Variants in GRK4 observed in about 807,000 individuals in gnomAD.
The protein encoded by GRK4 is G protein-coupled receptor kinase 2-like.
GRK4 carries 73 observed loss-of-function variants against 77.9 expected under a neutral mutation model. The observed-to-expected ratio is 0.94, with a 90% CI of 0.78 to 1.14. The LOEUF is 1.14. Among genes scored for constraint, GRK4 ranks in the 50% most tolerant of loss-of-function variants. GRK4 has a pLI of 0.00. For missense variants in GRK4, 729 were observed against 700.2 expected (o/e 1.04, Z -0.46); for synonymous variants, 257 against 254.4 (o/e 1.01, Z -0.10).
intron 9 of GRK4, among the ~76,000 whole-genome samples, chr4:3,020,203 A>G (rs1311350105): frequency 1.3e-5 from 2 of 152,018 alleles, no homozygotes; most frequent in African/African-American, 4.8e-5. Flanking sequence ...TGGGGGTCTC[A>G]CCATGTTGGC....
chr4:3,026,726 G>C (rs1737679460), intron 10 of GRK4, among the ~76,000 whole-genome samples: 2 of 152,372 alleles, frequency 1.3e-5, no homozygotes, highest in African/African-American at 2.4e-5. Flanking sequence ...CGCCTCCCAG[G>C]GTGGGCGCGC....
At chr4:3,035,087 T>C (rs891068811) in intron 12 of GRK4, among the ~76,000 whole-genome samples, 9 of 151,894 alleles carry the variant, frequency 5.9e-5, no homozygotes, top group African/African-American at 2.2e-4. Flanking sequence ...CCACTAAAAA[T>C]ACAAAAAATT....
chr4:2,967,768 A>G (rs1718193741), intron 1 of GRK4, among the ~76,000 whole-genome samples: 3 of 150,976 alleles, frequency 2.0e-5, no homozygotes, highest in South Asian at 4.2e-4. Flanking sequence ...TTCATAGATC[A>G]TATTGTTAAT....
In GRK4 at chr4:3,022,445, G is replaced by C; in HGVS notation, c.964G>C (p.Asp322His). 6.2e-7 allele frequency: 1 copy of C among 1,613,960 alleles called. No homozygotes were observed. The highest frequency in any genetic ancestry group is 8.5e-7 in the Non-Finnish European group (1 of 1,179,930). Residue 322 changes from aspartate (D) to histidine (H), a missense_variant, in exon 10 of 16, where the codon GAT becomes CAT. Asp to His is a moderately conservative substitution (Grantham distance 81, BLOSUM62 -1). Coordinates refer to ENST00000398052, the MANE Select transcript of GRK4 (RefSeq NM_182982.3). Reference sequence around the variant, plus strand: ...GAAGCCTGAGAATATTCTCCTTGATGATCGTGGTAAGTGGGCAAGCCTTTC... The same window carrying C: ...GAAGCCTGAGAATATTCTCCTTGATCATCGTGGTAAGTGGGCAAGCCTTTC... Reference protein sequence around the residue: ...DLKPENILLDDRGHIRISDLG... With the variant: ...DLKPENILLDHRGHIRISDLG...
chr4:2,988,682 G>A (rs1339227990), intron 2 of GRK4, 45 bp from the exon 3 acceptor site: 2 of 1,017,574 alleles, frequency 2.0e-6, no homozygotes, highest in African/African-American at 1.6e-5. Flanking sequence ...GTGGTGGACT[G>A]TAATGATTCT....
chr4:3,023,494 G>C (rs1736632468), intron 10 of GRK4, among the ~76,000 whole-genome samples: 1 of 152,196 alleles, frequency 6.6e-6, no homozygotes, highest in African/African-American at 2.4e-5. Flanking sequence ...TGGAATGCTA[G>C]TCTCCTTTTA....
intron 2 of GRK4, chr4:2,986,870 G>C (rs201552309): frequency 6.1e-6 from 2 of 325,824 alleles, no homozygotes; most frequent in African/African-American, 4.4e-5. Context: ...TTAGTTTCAG[G>C]TGGTATAAAG....
At chr4:2,994,743 A>G (rs1236112443) in intron 4 of GRK4, among the ~76,000 whole-genome samples, 1 of 152,204 alleles carries the variant, frequency 6.6e-6, no homozygotes, top group Non-Finnish European at 1.5e-5. Context: ...GTGCTGCTGT[A>G]ATAGAATGCC....
At chr4:2,978,965 C>G (rs773268957) in intron 1 of GRK4, among the ~76,000 whole-genome samples, 2 of 152,096 alleles carry the variant, frequency 1.3e-5, no homozygotes, top group Non-Finnish European at 2.9e-5. Flanking sequence ...CACGGTGACT[C>G]ACGCCTGTGA....
In GRK4 at chr4:2,988,812, G is replaced by T; in HGVS notation, c.234G>T (p.Lys78Asn). 1.2e-6 allele frequency: 2 copies of T among 1,609,622 alleles called. No individual in the cohort carries two copies. Residue 78 changes from lysine (K) to asparagine (N), a missense_variant, in exon 3 of 16, where the codon AAG (lysine) becomes AAT (asparagine). Lys to Asn is a moderately conservative substitution (Grantham distance 94, BLOSUM62 0). Transcript: ENST00000398052. ...TCTGTGATACCAAACCCACTCTAAA[G>T]AGGCACATTGAATTCTTGGATGCAG... ...RQFCDTKPTL[K>N]RHIEFLDAVA...
In GRK4 at chr4:3,013,726, T is replaced by C. The variant is rs773152983; in HGVS notation, c.639T>C (p.Tyr213=). 76 of 1,613,252 alleles carry C rather than the reference T, an allele frequency of 4.7e-5. No individual in the cohort carries two copies. Among genetic ancestry groups the C allele is most frequent in the Non-Finnish European group, 6.4e-5 (76 of 1,179,772 alleles). ...AAGTGCGAGCCACAGGAAAAATGTA[T>C]GCCTGCAAAAAGCTACAAAAAAAAA... ...ACQVRATGKM[Y]ACKKLQKKRI... The change falls in exon 8 of 16, where the codon TAT becomes TAC. Residue 213 remains tyrosine, a synonymous_variant. Coordinates refer to ENST00000398052, the MANE Select transcript of GRK4 (RefSeq NM_182982.3).
chr4:3,014,120 T>C (rs556443609), intron 8 of GRK4, among the ~76,000 whole-genome samples: 1 of 152,220 alleles, frequency 6.6e-6, no homozygotes, highest in East Asian at 1.9e-4. Context: ...CCTGCCAGCT[T>C]GCAGAGGCTC....
At chr4:2,968,090 CTGTTT>C (rs1237401277) in intron 1 of GRK4, among the ~76,000 whole-genome samples, 2 of 150,624 alleles carry the variant, frequency 1.3e-5, no homozygotes, top group Admixed American at 1.3e-4. Context: ...TGTGCCCGGC[CTGTTT>C]TGTTTTTTTT....
At chr4:3,022,382 A>G in intron 9 of GRK4, 32 bp from the exon 10 acceptor site, 1 of 1,610,076 alleles carries the variant, frequency 6.2e-7, no homozygotes, top group Non-Finnish European at 8.5e-7. Context: ...CAACTTCTGA[A>G]TAATTGGGCC....
intron 4 of GRK4, among the ~76,000 whole-genome samples, chr4:3,003,890 A>G (rs1730540558): frequency 6.6e-6 from 1 of 151,880 alleles, no homozygotes; most frequent in Non-Finnish European, 1.5e-5. Flanking sequence ...CCTGGCTAAT[A>G]GTTTTGTATT....
chr4:2,977,717 G>A (rs1205508988), intron 1 of GRK4, among the ~76,000 whole-genome samples: 3 of 152,048 alleles, frequency 2.0e-5, no homozygotes, highest in African/African-American at 4.8e-5. Context: ...GTCCATCTAC[G>A]AAACAAAGAA....
chr4:3,019,511 G>A (rs1735486164), intron 8 of GRK4, 130 bp from the exon 9 acceptor site: 1 of 810,042 alleles, frequency 1.2e-6, no homozygotes, highest in South Asian at 1.8e-5. Context: ...ACATTTCTCT[G>A]AAACATATAG....
chr4:3,021,877 T>C (rs1278919026), intron 9 of GRK4, among the ~76,000 whole-genome samples: 2 of 152,144 alleles, frequency 1.3e-5, no homozygotes, highest in East Asian at 3.8e-4. Flanking sequence ...CTGCACTCAG[T>C]GGGGGCTGCA....
In GRK4 at chr4:3,013,718, A is replaced by G. The variant is rs1733594963; in HGVS notation, c.631A>G (p.Lys211Glu). 1 of 1,613,464 alleles carries G rather than the reference A, an allele frequency of 6.2e-7. No individual in the cohort carries two copies. Among genetic ancestry groups the G allele is most frequent in the Non-Finnish European group, 8.5e-7 (1 of 1,179,794 alleles). Residue 211 changes from lysine to glutamate, a missense_variant, in exon 8 of 16, where the codon AAA becomes GAA. By Grantham distance (56) the Lys-to-Glu change is moderately conservative. Coordinates refer to ENST00000398052, the MANE Select transcript of GRK4 (RefSeq NM_182982.3). Reference sequence around the variant, plus strand: ...CGCCTGTCAAGTGCGAGCCACAGGAAAAATGTATGCCTGCAAAAAGCTACA... The same window carrying G: ...CGCCTGTCAAGTGCGAGCCACAGGAGAAATGTATGCCTGCAAAAAGCTACA... ...VCACQVRATGKMYACKKLQKK... is the reference protein window; with the variant it reads ...VCACQVRATGEMYACKKLQKK...
Sources: gnomAD v4.1 joint callset for allele counts (sites outside exome capture counted in the v4.1 genomes callset) on GRCh38, gnomAD v4.1.1 for gene constraint, MANE v1.5 for transcripts, NCBI Gene and HGNC (gene_info 2026-07-23, HGNC 2026-07-21) for gene names.